The following MEDAG variants were observed in gnomAD, a reference collection of about 807,000 sequenced individuals.
MEDAG encodes mesenteric estrogen dependent adipogenesis.
MEDAG carries 25 observed loss-of-function variants against 29.9 expected under a neutral mutation model. That is an observed-to-expected ratio of 0.84 (90% confidence interval 0.61 to 1.17). The LOEUF is 1.17. Ranked by LOEUF, MEDAG falls within the 50% of genes most tolerant of loss-of-function variation. MEDAG has a pLI of 0.00. For synonymous variants in MEDAG, 158 were observed against 148.2 expected (o/e 1.07, Z -0.48); for missense variants, 398 against 372.9 (o/e 1.07, Z -0.56).
In MEDAG at chr13:30,906,623, G is replaced by A. The variant is rs753474255; in HGVS notation, c.108G>A (p.Pro36=). 10 of 1,581,702 alleles carry A rather than the reference G, an allele frequency of 6.3e-6. No individual in the cohort carries two copies. The African/African-American group carries it at 6.8e-5, about 11-fold the overall frequency. Residue 36 remains proline (P), a synonymous_variant, in exon 1 of 5, where the codon CCG becomes CCA. Transcript: ENST00000380482. ...WTCDCELALL[P]LAQLLRLQPG... is the part of the protein sequence containing the mutation. ...GCGACTGCGAGCTGGCCCTGCTGCC[G>A]CTGGCTCAGCTGCTGCGCCTGCAGC...
intron 4 of MEDAG, chr13:30,922,255 T>C (rs1271007960): frequency 7.4e-6 from 1 of 135,296 alleles, no homozygotes; most frequent in Admixed American, 7.3e-5. Context: ...GATATCAGTC[T>C]TTTTTTTTTT....
chr13:30,924,497 G>T lies in MEDAG; in HGVS notation c.*62G>T. The T allele has an allele frequency of 1.3e-6, 2 of 1,526,516 alleles. No homozygotes were observed. Among genetic ancestry groups the T allele is most frequent in the South Asian group, 2.5e-5 (2 of 78,480 alleles). 94.6% of individuals were successfully genotyped at this position (1,526,516 alleles called of 1,614,324 possible). A position where few individuals can be genotyped will look rare whatever the true frequency, so the allele number is the denominator to read the frequency against. ...AGGCCTGTGCTAGACTATAGGCTGGGGGGAGGGTAGGAGGTGGGAGGCAGA... is the reference window on the plus strand; with the variant it reads ...AGGCCTGTGCTAGACTATAGGCTGGTGGGAGGGTAGGAGGTGGGAGGCAGA... On this transcript the variant is annotated 3_prime_UTR_variant, in exon 5 of 5. Transcript: ENST00000380482.
At chr13:30,924,279 T>C (rs1386947687) in intron 4 of MEDAG, 32 bp from the exon 5 acceptor site, 2 of 1,589,268 alleles carry the variant, frequency 1.3e-6, no homozygotes, top group African/African-American at 2.7e-5. Flanking sequence ...TCAGTGATGG[T>C]AATAATGCAT....
intron 1 of MEDAG, among the ~76,000 whole-genome samples, chr13:30,908,525 G>A (rs1009891495): frequency 7.2e-5 from 11 of 152,174 alleles, no homozygotes; most frequent in Non-Finnish European, 1.0e-4. Flanking sequence ...AGGCAGAGGG[G>A]GAGGACTGGA....
intron 1 of MEDAG, among the ~76,000 whole-genome samples, chr13:30,915,571 C>G (rs777588900): frequency 6.6e-6 from 1 of 152,086 alleles, no homozygotes; most frequent in Non-Finnish European, 1.5e-5. Context: ...TGCTTTCTTT[C>G]TCTAGTAACT....
chr13:30,908,042 T>G (rs988646427), intron 1 of MEDAG, among the ~76,000 whole-genome samples: 5 of 152,302 alleles, frequency 3.3e-5, no homozygotes, highest in Admixed American at 2.0e-4. Context: ...AGATACCCAT[T>G]GTATTTGAGA....
At chr13:30,917,065 A>T (rs933992670) in intron 1 of MEDAG, among the ~76,000 whole-genome samples, 2 of 152,224 alleles carry the variant, frequency 1.3e-5, no homozygotes, top group African/African-American at 2.4e-5. Context: ...TGTCGAATTC[A>T]TTATCAATTC....
At chr13:30,919,439 A>G (rs1404439717) in intron 2 of MEDAG, among the ~76,000 whole-genome samples, 1 of 152,204 alleles carries the variant, frequency 6.6e-6, no homozygotes, top group African/African-American at 2.4e-5. Flanking sequence ...CCCCATCAGC[A>G]CAACTGTGGA....
chr13:30,921,208 T>G (rs1270418355), intron 3 of MEDAG, 82 bp downstream of exon 3: 1 of 1,204,386 alleles, frequency 8.3e-7, no homozygotes, highest in East Asian at 2.4e-5. Context: ...GAGGCCCTAT[T>G]GCCCTGGCTT....
At chr13:30,922,853 G>A (rs1953001508) in intron 4 of MEDAG, 1 of 152,206 alleles carries the variant, frequency 6.6e-6, no homozygotes. Flanking sequence ...GGTGTTCTCA[G>A]AGTTCAGCTG....
chr13:30,915,940 T>C (rs1951369897), intron 1 of MEDAG: 1 of 152,200 alleles, frequency 6.6e-6, no homozygotes, highest in African/African-American at 2.4e-5. Context: ...TGCAGCCCCA[T>C]GTTCCCCTCC....
At chr13:30,912,246 A>G (rs934455870) in intron 1 of MEDAG, among the ~76,000 whole-genome samples, 13 of 152,212 alleles carry the variant, frequency 8.5e-5, no homozygotes, top group African/African-American at 2.4e-4. Flanking sequence ...GCTTTATTTC[A>G]GTAGAACTAG....
At chr13:30,911,535 T>C (rs1396492984) in intron 1 of MEDAG, among the ~76,000 whole-genome samples, 1 of 152,168 alleles carries the variant, frequency 6.6e-6, no homozygotes, top group African/African-American at 2.4e-5. Context: ...CCCCTGCTCT[T>C]GTCCAATCCT....
At chr13:30,915,333 G>A (rs1017379491) in intron 1 of MEDAG, among the ~76,000 whole-genome samples, 20 of 152,268 alleles carry the variant, frequency 1.3e-4, no homozygotes, top group Admixed American at 5.2e-4. Flanking sequence ...GTGTTTGGCC[G>A]CTGAATAGAT....
At chr13:30,915,954 C>T (rs1382220441) in intron 1 of MEDAG, 1 of 152,308 alleles carries the variant, frequency 6.6e-6, no homozygotes, top group Non-Finnish European at 1.5e-5. Context: ...CCCCTCCCTA[C>T]CCCAGGAACA....
chr13:30,909,890 C>T (rs1254673297), intron 1 of MEDAG, among the ~76,000 whole-genome samples: 1 of 152,120 alleles, frequency 6.6e-6, no homozygotes, highest in Non-Finnish European at 1.5e-5. Flanking sequence ...TTTTCTAATA[C>T]TTTAACATTT....
In MEDAG at chr13:30,924,477, T is replaced by G; in HGVS notation, c.*42T>G. ...AGCAGTTGCTCCCGCACTCCAGGCC[T>G]GTGCTAGACTATAGGCTGGGGGGAG... On this transcript the variant is annotated 3_prime_UTR_variant, in exon 5 of 5. Coordinates refer to ENST00000380482, the MANE Select transcript of MEDAG (RefSeq NM_032849.4). 3.8e-6 allele frequency: 6 copies of G among 1,588,926 alleles called. No homozygotes were observed. Among genetic ancestry groups the G allele is most frequent in the Non-Finnish European group, 5.1e-6 (6 of 1,165,816 alleles).
intron 1 of MEDAG, chr13:30,916,541 T>A (rs1354072824): frequency 6.6e-6 from 1 of 152,288 alleles, no homozygotes; most frequent in Non-Finnish European, 1.5e-5. Flanking sequence ...TCAGAGAGAC[T>A]GCGGCAGACG....
At chr13:30,922,735 G>A (rs1953000478) in intron 4 of MEDAG, 1 of 152,220 alleles carries the variant, frequency 6.6e-6, no homozygotes, top group African/African-American at 2.4e-5. Context: ...TCTGTCTTCT[G>A]CAGAGCCCAT....
Sources: gnomAD v4.1 joint callset for allele counts (sites outside exome capture counted in the v4.1 genomes callset) on GRCh38, gnomAD v4.1.1 for gene constraint, MANE v1.5 for transcripts, NCBI Gene and HGNC (gene_info 2026-07-23, HGNC 2026-07-21) for gene names.